The following LRRC1 variants were observed in gnomAD, a reference collection of about 807,000 sequenced individuals.
The protein encoded by LRRC1 is leucine rich repeat containing 1.
Under a neutral mutation model 69.9 loss-of-function variants are expected in LRRC1, and 28 were observed. The observed-to-expected ratio is 0.40, with a 90% CI of 0.30 to 0.55. The LOEUF (loss-of-function observed/expected upper bound fraction) is 0.55. Ranked by LOEUF, LRRC1 falls within the 20% of genes least tolerant of loss-of-function variation. LRRC1 has a pLI of 0.47. For synonymous variants in LRRC1, 236 were observed against 240.2 expected (o/e 0.98, Z 0.16); for missense variants, 498 against 609.0 (o/e 0.82, Z 1.92).
At chr6:53,915,434 C>T (rs1170598257) in intron 11 of LRRC1, among the ~76,000 whole-genome samples, 9 of 152,162 alleles carry the variant, frequency 5.9e-5, no homozygotes, top group Admixed American at 5.2e-4. Context: ...TTGAGTTGAA[C>T]CTCGGATTTC....
chr6:53,795,318 A>G lies in LRRC1; in HGVS notation c.62A>G (p.His21Arg), dbSNP rs774479774. 4.3e-6 allele frequency: 7 copies of G among 1,613,432 alleles called. No homozygotes were observed. Among genetic ancestry groups the G allele is most frequent in the Non-Finnish European group, 5.1e-6 (6 of 1,179,910 alleles). The change falls in exon 1 of 14, where the codon CAC (histidine) becomes CGC (arginine). Residue 21 changes from histidine (H) to arginine (R), a missense_variant. His to Arg is a conservative substitution (Grantham distance 29). Coordinates refer to ENST00000370888, the MANE Select transcript of LRRC1 (RefSeq NM_018214.5). ...NRHVESIDKR[H>R]CSLVYVPEEI... Reference sequence around the variant, plus strand: ...CATGTGGAGAGCATCGACAAGCGCCACTGCTCGCTGGTCTACGTCCCCGAG... The same window carrying G: ...CATGTGGAGAGCATCGACAAGCGCCGCTGCTCGCTGGTCTACGTCCCCGAG...
At chr6:53,864,587 C>A (rs1305036919) in intron 2 of LRRC1, among the ~76,000 whole-genome samples, 1 of 152,114 alleles carries the variant, frequency 6.6e-6, no homozygotes, top group Non-Finnish European at 1.5e-5. Flanking sequence ...TGTTTCCAAG[C>A]CTGCTTCTGC....
At chr6:53,896,581 G>A (rs761900579) in intron 5 of LRRC1, 27 bp downstream of exon 5, 64 of 1,573,340 alleles carry the variant, frequency 4.1e-5, no homozygotes, top group Non-Finnish European at 4.0e-5. Flanking sequence ...AATAAGAGGA[G>A]ATTTTGTGCA....
At chr6:53,822,761 A>C (rs1307208368) in intron 1 of LRRC1, among the ~76,000 whole-genome samples, 1 of 152,144 alleles carries the variant, frequency 6.6e-6, no homozygotes, top group African/African-American at 2.4e-5. Flanking sequence ...CTGGTGGAAT[A>C]TGCTCCTTCA....
At chr6:53,922,258 T>G (rs1324471005) in intron 13 of LRRC1, among the ~76,000 whole-genome samples, 1 of 152,152 alleles carries the variant, frequency 6.6e-6, no homozygotes, top group Non-Finnish European at 1.5e-5. Context: ...TGACTTTAAT[T>G]TAGGATTTTT....
intron 4 of LRRC1, 50 bp downstream of exon 4, chr6:53,883,026 A>G (rs777403326): frequency 1.3e-5 from 15 of 1,148,236 alleles, no homozygotes; most frequent in African/African-American, 4.6e-5. Context: ...GGGGGTTTAT[A>G]TCATCAGCTC....
intron 1 of LRRC1, 143 bp downstream of exon 1, chr6:53,795,558 C>T: frequency 2.6e-6 from 2 of 763,310 alleles, no homozygotes; most frequent in East Asian, 2.8e-5. Flanking sequence ...TTCTTTCTCC[C>T]CCTGTCTCTT....
chr6:53,807,307 T>G (rs1222112042), intron 1 of LRRC1, among the ~76,000 whole-genome samples: 1 of 152,166 alleles, frequency 6.6e-6, no homozygotes, highest in Non-Finnish European at 1.5e-5. Flanking sequence ...CACATGCTTA[T>G]TGTTGAGTGC....
At chr6:53,912,172 A>G (rs1768433430) in intron 10 of LRRC1, among the ~76,000 whole-genome samples, 1 of 152,204 alleles carries the variant, frequency 6.6e-6, no homozygotes, top group East Asian at 1.9e-4. Context: ...AAGTACCTTG[A>G]GTGTACATAA....
chr6:53,879,608 C>CCTCTAA (rs1767203229), intron 3 of LRRC1, among the ~76,000 whole-genome samples: 1 of 152,060 alleles, frequency 6.6e-6, no homozygotes, highest in Non-Finnish European at 1.5e-5. Context: ...TCTCAACTTT[C>CCTCTAA]CTCTAACTCT....
intron 1 of LRRC1, among the ~76,000 whole-genome samples, chr6:53,838,972 A>G (rs931884484): frequency 6.6e-6 from 1 of 152,126 alleles, no homozygotes; most frequent in Non-Finnish European, 1.5e-5. Flanking sequence ...GTCCACATGC[A>G]CACATGCTTT....
At position 53,914,115 on chromosome 6, in the gene LRRC1, CT is replaced by C. The variant is rs1768496019; in HGVS notation, c.1106+148del. On this transcript the variant is annotated intron_variant, in intron 11 of 13. Transcript: ENST00000370888. ...AAATGACCTAGGCCTCAGGGAGTTC[CT>C]TCATAGGGGGGCTAGAGTGCTTGAG... 5.2e-6 allele frequency: 3 copies of C among 575,512 alleles called. No homozygotes were observed. In the Admixed American group the frequency reaches 8.7e-5, roughly 17 times the overall value. The allele number at this position is 575,512 out of a possible 1,614,324, so 35.7% of individuals were successfully genotyped here.
intron 2 of LRRC1, among the ~76,000 whole-genome samples, chr6:53,870,718 A>G (rs538769175): frequency 6.6e-6 from 1 of 152,290 alleles, no homozygotes; most frequent in East Asian, 1.9e-4. Context: ...CATACTGTGG[A>G]ATGGAACACT....
intron 1 of LRRC1, among the ~76,000 whole-genome samples, chr6:53,829,827 G>A (rs1765378348): frequency 6.6e-6 from 1 of 152,080 alleles, no homozygotes; most frequent in South Asian, 2.1e-4. Flanking sequence ...CTTGCTTCCT[G>A]GTGCAGGAAT....
At chr6:53,867,910 G>A (rs1039335743) in intron 2 of LRRC1, among the ~76,000 whole-genome samples, 12 of 149,082 alleles carry the variant, frequency 8.0e-5, no homozygotes, top group Non-Finnish European at 1.5e-4. Context: ...CCAAGATTGC[G>A]CCACTGCATT....
At chr6:53,888,437 T>G (rs1767565089) in intron 4 of LRRC1, among the ~76,000 whole-genome samples, 1 of 152,148 alleles carries the variant, frequency 6.6e-6, no homozygotes, top group Non-Finnish European at 1.5e-5. Context: ...TATAAAACAT[T>G]GAAAGATTTA....
rs1428852703 is a variant in LRRC1, at chr6:53,892,011, T to TATAC, written c.447-4486_447-4485insTACA. On this transcript the variant is annotated intron_variant, in intron 4 of 13. Transcript: ENST00000370888. Reference sequence around the variant, plus strand: ...TGTCTAAAAAAAAAATATATATATATACACACACACACACACACACACACA... The same window carrying TATAC: ...TGTCTAAAAAAAAAATATATATATATATACACACACACACACACACACACACACA... Among the ~76,000 whole-genome samples, 667 of 135,370 alleles carry TATAC rather than the reference T, an allele frequency of 4.9e-3. 8 individuals carry two copies. The highest frequency in any genetic ancestry group is 0.017 in the African/African-American group (589 of 35,036). The allele number at this position is 135,370 out of a possible 152,430, so 88.8% of individuals were successfully genotyped here.
In LRRC1 at chr6:53,842,030, T is replaced by A. The variant is rs148207053; in HGVS notation, c.160-80T>A. The A allele has an allele frequency of 4.4e-4, 366 of 831,598 alleles. No individual in the cohort carries two copies. The African/African-American group carries it at 5.4e-3, about 12-fold the overall frequency. The allele number at this position is 831,598 out of a possible 1,614,324, so 51.5% of individuals were successfully genotyped here. A position where few individuals can be genotyped will look rare whatever the true frequency, so the allele number is the denominator to read the frequency against. The stretch of plus-strand genomic sequence containing the variant: ...AACCTTCATTAGTTTTTAAAAGACA[T>A]TGTTTTACATTTCATAGTAGCCCAA... On this transcript the variant is annotated intron_variant, in intron 1 of 13. Coordinates refer to ENST00000370888, the MANE Select transcript of LRRC1 (RefSeq NM_018214.5).
In LRRC1 at chr6:53,843,088, C is replaced by T. The variant is rs148736435; in HGVS notation, c.277+861C>T. 6.6e-4 allele frequency among the ~76,000 whole-genome samples: 100 copies of T among 152,288 alleles called. 2 individuals carry two copies. Among genetic ancestry groups the T allele is most frequent in the African/African-American group, 2.2e-3 (91 of 41,566 alleles). ...ACGTAGCAACTCCCAGTGGTCCTAT[C>T]TAGTGATGGAATTCAGTTCTTGTAA... is the stretch of plus-strand genomic sequence containing the variant. On this transcript the variant is annotated intron_variant, in intron 2 of 13. Coordinates refer to ENST00000370888, the MANE Select transcript of LRRC1 (RefSeq NM_018214.5).
Sources: allele counts gnomAD v4.1 joint callset (sites outside exome capture counted in the v4.1 genomes callset), GRCh38; gene constraint gnomAD v4.1.1; transcripts MANE v1.5; gene names NCBI Gene and HGNC (gene_info 2026-07-23, HGNC 2026-07-21).